SEPTIN2: variants seen among roughly 807,000 people sequenced by gnomAD.
SEPTIN2 encodes the protein septin 2.
A neutral mutation model predicts 46.5 loss-of-function variants in SEPTIN2; 34 were observed. That is an observed-to-expected ratio of 0.73 (90% CI 0.56 to 0.97). The LOEUF (loss-of-function observed/expected upper bound fraction) is 0.97. SEPTIN2 is among the 50% of genes least tolerant of loss of function. The pLI is 0.00. For missense variants in SEPTIN2, 347 were observed against 448.4 expected (o/e 0.77, Z 2.04); for synonymous variants, 175 against 153.4 (o/e 1.14, Z -1.04).
chr2:241,335,034 T>C (rs1307298170), intron 3 of SEPTIN2, 92 bp from the exon 4 acceptor site: 2 of 787,432 alleles, frequency 2.5e-6, no homozygotes, highest in Non-Finnish European at 4.3e-6. Flanking sequence ...TGTGAGGTAC[T>C]TAGCCCAGTA....
chr2:241,336,856 G>A (rs2080088414), intron 5 of SEPTIN2: 1 of 169,906 alleles, frequency 5.9e-6, no homozygotes, highest in South Asian at 2.0e-4. Context: ...AGCACTTTGG[G>A]AGGCTGAGGT....
chr2:241,334,786 T>C (rs1322860243), intron 3 of SEPTIN2, among the ~76,000 whole-genome samples: 1 of 152,240 alleles, frequency 6.6e-6, no homozygotes, highest in African/African-American at 2.4e-5. Flanking sequence ...AAACCTGCTT[T>C]GCATTCTATT....
Position 241,348,157 on chromosome 2 carries a change from A to G in SEPTIN2, c.950A>G (p.Asn317Ser), listed in dbSNP as rs770398100. ...AGGAAAGTGGAGAATGAGGACATGA[A>G]TAAAGACCAGATCTTGCTGGAAAAA... Reference protein sequence around the residue: ...GGRKVENEDMNKDQILLEKEA... With the variant: ...GGRKVENEDMSKDQILLEKEA... Residue 317 changes from asparagine to serine, a missense_variant, in exon 11 of 13, where the codon AAT becomes AGT. Transcript: ENST00000391971. 10 of 1,613,364 alleles carry G rather than the reference A, an allele frequency of 6.2e-6. No individual in the cohort carries two copies. The highest frequency in any genetic ancestry group is 8.5e-6 in the Non-Finnish European group (10 of 1,179,652).
intron 7 of SEPTIN2, among the ~76,000 whole-genome samples, chr2:241,338,127 A>G (rs2080338790): frequency 6.6e-6 from 1 of 152,154 alleles, no homozygotes; most frequent in South Asian, 2.1e-4. Context: ...TATTTTACCT[A>G]AATTCTTTAC....
At chr2:241,349,951 A>G (rs2060636400) in intron 11 of SEPTIN2, 122 bp from the exon 12 acceptor site, 5 of 857,116 alleles carry the variant, frequency 5.8e-6, no homozygotes, top group Admixed American at 2.3e-5. Flanking sequence ...TCTTTATGTA[A>G]TAACTCCTGT....
chr2:241,338,950 T>C (rs2080819230), intron 7 of SEPTIN2, among the ~76,000 whole-genome samples: 1 of 100,960 alleles, frequency 9.9e-6, no homozygotes, highest in Admixed American at 1.7e-4. Flanking sequence ...ATATATTATA[T>C]ATATAATATA....
intron 1 of SEPTIN2, chr2:241,317,629 AG>A (rs1191373429): frequency 4.4e-6 from 4 of 906,104 alleles, no homozygotes; most frequent in Non-Finnish European, 5.3e-6. Context: ...CTGTTCTGTT[AG>A]TAGTCATACA....
chr2:241,344,857 G>A (rs957861100), intron 9 of SEPTIN2, among the ~76,000 whole-genome samples: 2 of 151,336 alleles, frequency 1.3e-5, no homozygotes, highest in African/African-American at 4.9e-5. Flanking sequence ...CTTGAGGTCA[G>A]GAGTTTGAAA....
intron 3 of SEPTIN2, among the ~76,000 whole-genome samples, chr2:241,327,990 C>T (rs946217445): frequency 3.3e-5 from 5 of 151,882 alleles, no homozygotes; most frequent in Non-Finnish European, 7.4e-5. Flanking sequence ...GACGTCAGGC[C>T]TATGGTGAGC....
chr2:241,335,800 T>G (rs1399652167), intron 4 of SEPTIN2, 175 bp from the exon 5 acceptor site: 1 of 728,386 alleles, frequency 1.4e-6, no homozygotes, highest in East Asian at 2.5e-5. Flanking sequence ...TAATCTTAGC[T>G]TTAACCTTCC....
intron 1 of SEPTIN2, chr2:241,316,253 C>T (rs773687164): frequency 2.4e-5 from 9 of 369,100 alleles, no homozygotes; most frequent in African/African-American, 1.3e-4. Context: ...CCCTTGTTGA[C>T]CCTGCGGGAA....
At position 241,329,218 on chromosome 2, in the gene SEPTIN2, C is replaced by G. The variant is rs531002895; in HGVS notation, c.130+3105C>G. On this transcript the variant is annotated intron_variant, in intron 3 of 12. Transcript: ENST00000391971. ...TTGGCTCACTGCAAGCTCCACCTCC[C>G]GGGTTCACGCCATTCTCCCACCTCA... Among the ~76,000 whole-genome samples the G allele has an allele frequency of 9.4e-4, 143 of 151,728 alleles. No individual in the cohort carries two copies. In the Middle Eastern group the frequency reaches 0.024, roughly 25 times the overall value.
At chr2:241,336,465 T>C (rs2080009283) in intron 5 of SEPTIN2, 1 of 199,132 alleles carries the variant, frequency 5.0e-6, no homozygotes, top group Non-Finnish European at 1.0e-5. Flanking sequence ...TGACTGCTCA[T>C]TGGCATCATT....
chr2:241,316,068 C>G (rs2076147523), intron 1 of SEPTIN2, 86 bp downstream of exon 1: 1 of 158,414 alleles, frequency 6.3e-6, no homozygotes, highest in African/African-American at 2.4e-5. Flanking sequence ...GTCCCATACT[C>G]TCGGGCGGTG....
intron 1 of SEPTIN2, among the ~76,000 whole-genome samples, chr2:241,322,605 C>CAA (rs111928970): frequency 3.0e-5 from 3 of 100,680 alleles, no homozygotes; most frequent in East Asian, 2.8e-4. Context: ...GACTCCGTCT[C>CAA]AAAAAAAAAA....
chr2:241,323,489 C>G (rs2077455582), intron 1 of SEPTIN2, among the ~76,000 whole-genome samples: 1 of 152,166 alleles, frequency 6.6e-6, no homozygotes, highest in Non-Finnish European at 1.5e-5. Flanking sequence ...AACTCCTGAC[C>G]TCAAGTGGTC....
At position 241,333,584 on chromosome 2, in the gene SEPTIN2, A is replaced by G. The variant is rs371347466; in HGVS notation, c.131-1542A>G. Among the ~76,000 whole-genome samples, 18 of 151,602 alleles carry G rather than the reference A, an allele frequency of 1.2e-4. No homozygotes were observed. In the East Asian group the frequency reaches 3.4e-3, roughly 28 times the overall value. Reference sequence around the variant, plus strand: ...GAGTGCAGTGGTGCGATCTCGGCTCACTGCAAGCTCCGCCTCCCGGGTTCA... The same window carrying G: ...GAGTGCAGTGGTGCGATCTCGGCTCGCTGCAAGCTCCGCCTCCCGGGTTCA... On this transcript the variant is annotated intron_variant, in intron 3 of 12. Coordinates refer to ENST00000391971, the MANE Select transcript of SEPTIN2 (RefSeq NM_004404.5).
At chr2:241,350,477 T>C (rs1203135593) in intron 12 of SEPTIN2, among the ~76,000 whole-genome samples, 1 of 152,242 alleles carries the variant, frequency 6.6e-6, no homozygotes, top group African/African-American at 2.4e-5. Flanking sequence ...GGTTATTTTC[T>C]AAGCTTGCAA....
At chr2:241,333,572 C>T (rs947640009) in intron 3 of SEPTIN2, among the ~76,000 whole-genome samples, 7 of 152,022 alleles carry the variant, frequency 4.6e-5, no homozygotes, top group East Asian at 3.9e-4. Context: ...TGCAGTGGTG[C>T]GATCTCGGCT....
Sources: allele counts gnomAD v4.1 joint callset (sites outside exome capture counted in the v4.1 genomes callset), GRCh38; gene constraint gnomAD v4.1.1; transcripts MANE v1.5; gene names NCBI Gene and HGNC (gene_info 2026-07-23, HGNC 2026-07-21).